The following TBCK variants were observed in gnomAD, a reference collection of about 807,000 sequenced individuals.
TBCK encodes TBC domain-containing protein kinase-like protein.
A neutral mutation model predicts 113.4 loss-of-function variants in TBCK; 99 were observed. The observed-to-expected ratio is 0.87, with a 90% CI of 0.74 to 1.03. The LOEUF (loss-of-function observed/expected upper bound fraction) is 1.03. Among genes scored for constraint, TBCK ranks in the 50% least tolerant of loss-of-function variants. TBCK has a pLI of 0.00. For missense variants in TBCK, 1,045 were observed against 1,061.3 expected (o/e 0.98, Z 0.21); for synonymous variants, 369 against 370.8 (o/e 1.00, Z 0.05).
chr4:106,177,025 C>A (rs1038649372), intron 22 of TBCK, among the ~76,000 whole-genome samples: 2 of 150,740 alleles, frequency 1.3e-5, no homozygotes, highest in Non-Finnish European at 3.0e-5. Flanking sequence ...TGACTACAGA[C>A]ATGATCATAG....
rs928271731 is a variant in TBCK, at chr4:106,179,753, C to A, written c.2060-8483G>T. 1.6e-4 allele frequency among the ~76,000 whole-genome samples: 24 copies of A among 152,058 alleles called. 1 individual carries two copies. Among genetic ancestry groups the A allele is most frequent in the Non-Finnish European group, 3.1e-4 (21 of 67,956 alleles). On this transcript the variant is annotated intron_variant, in intron 22 of 25. Coordinates refer to ENST00000394708, the MANE Select transcript of TBCK (RefSeq NM_001163435.3). Reference sequence around the variant, plus strand: ...AACGTTCTGTAAATGTCTGTTAGGTCCATTTGGTCTACAGTACAGTTTAAC... The same window carrying A: ...AACGTTCTGTAAATGTCTGTTAGGTACATTTGGTCTACAGTACAGTTTAAC...
chr4:106,252,071 C>A, intron 5 of TBCK, 64 bp from the exon 6 acceptor site: 1 of 1,354,622 alleles, frequency 7.4e-7, no homozygotes, highest in South Asian at 1.5e-5. Context: ...TACATTTTTA[C>A]AATCAATGTG....
intron 23 of TBCK, among the ~76,000 whole-genome samples, chr4:106,163,016 T>C (rs1476906154): frequency 6.6e-6 from 1 of 152,140 alleles, no homozygotes; most frequent in African/African-American, 2.4e-5. Context: ...TCCAAACTTT[T>C]ATGGTCTGCT....
At chr4:106,217,000 A>G (rs1757025974) in intron 19 of TBCK, among the ~76,000 whole-genome samples, 1 of 152,212 alleles carries the variant, frequency 6.6e-6, no homozygotes, top group Non-Finnish European at 1.5e-5. Context: ...CCAGCAGCAC[A>G]TCAAAATGCT....
rs563878359 is a variant in TBCK, at chr4:106,164,983, TA to T, written c.2235+6111del. 5.5e-3 allele frequency among the ~76,000 whole-genome samples: 805 copies of T among 145,728 alleles called. 4 individuals are homozygous for T. The highest frequency in any genetic ancestry group is 9.4e-3 in the Non-Finnish European group (615 of 65,522). ...ATACAAGCAGTTAGCATTATGTAAATAAAAAAATTAATTTAATAAAATCTTG... is the reference window on the plus strand; with the variant it reads ...ATACAAGCAGTTAGCATTATGTAAATAAAAAATTAATTTAATAAAATCTTG... On this transcript the variant is annotated intron_variant, in intron 23 of 25. Transcript: ENST00000394708.
intron 25 of TBCK, among the ~76,000 whole-genome samples, chr4:106,082,971 C>T (rs995072920): frequency 1.3e-5 from 2 of 152,254 alleles, no homozygotes; most frequent in African/African-American, 4.8e-5. Context: ...TTGGAAGATA[C>T]ACTTGCGAAC....
intron 23 of TBCK, among the ~76,000 whole-genome samples, chr4:106,148,945 T>TTA (rs1748152626): frequency 1.3e-5 from 2 of 152,352 alleles, no homozygotes; most frequent in South Asian, 4.1e-4. Flanking sequence ...GAAAATCTGC[T>TTA]GTATAGTTGC....
chr4:106,228,260 T>C (rs1758457275), intron 19 of TBCK, among the ~76,000 whole-genome samples: 1 of 152,076 alleles, frequency 6.6e-6, no homozygotes, highest in Admixed American at 6.6e-5. Flanking sequence ...CTTACTTATT[T>C]TAAAATGTAC....
intron 10 of TBCK, among the ~76,000 whole-genome samples, chr4:106,246,708 C>T (rs990342451): frequency 6.6e-6 from 1 of 152,124 alleles, no homozygotes; most frequent in Admixed American, 6.6e-5. Context: ...ACTTTAACCA[C>T]CACACAGAAG....
intron 24 of TBCK, among the ~76,000 whole-genome samples, chr4:106,099,106 G>A (rs1313136079): frequency 6.6e-6 from 1 of 151,930 alleles, no homozygotes; most frequent in Non-Finnish European, 1.5e-5. Flanking sequence ...TAGATATGCT[G>A]TACTTCAATC....
chr4:106,160,184 C>T (rs1454794620), intron 23 of TBCK, among the ~76,000 whole-genome samples: 2 of 151,922 alleles, frequency 1.3e-5, no homozygotes, highest in Non-Finnish European at 2.9e-5. Context: ...TAGAAGAAAA[C>T]ATAGGGCAAA....
intron 3 of TBCK, among the ~76,000 whole-genome samples, chr4:106,280,925 A>G (rs935576570): frequency 8.5e-5 from 13 of 152,130 alleles, no homozygotes; most frequent in Non-Finnish European, 1.2e-4. Context: ...GTGGTTCCAT[A>G]TAAGTTTTAG....
chr4:106,209,030 G>A (rs2149875242), intron 20 of TBCK, among the ~76,000 whole-genome samples: 1 of 152,316 alleles, frequency 6.6e-6, no homozygotes, highest in Admixed American at 6.5e-5. Flanking sequence ...ACCTAGTGGG[G>A]CAAGCCCAGG....
rs537642529 is a variant in TBCK, at chr4:106,067,699, T to C, written c.2572-21019A>G. Among the ~76,000 whole-genome samples the C allele has an allele frequency of 3.9e-5, 6 of 152,266 alleles. No homozygotes were observed. In the East Asian group the frequency reaches 1.2e-3, roughly 29 times the overall value. ...GGTTTAATGTAAGGGTCCAATTTCA[T>C]TTTTTGCGTGTGGATATTCAGTTTT... On this transcript the variant is annotated intron_variant, in intron 25 of 25. Transcript: ENST00000394708.
intron 23 of TBCK, among the ~76,000 whole-genome samples, chr4:106,132,414 T>G (rs1231802078): frequency 6.6e-6 from 1 of 152,250 alleles, no homozygotes; most frequent in Non-Finnish European, 1.5e-5. Flanking sequence ...ACATGTAGTG[T>G]TGGGCCTGTG....
intron 25 of TBCK, among the ~76,000 whole-genome samples, chr4:106,089,689 G>T (rs111248027): frequency 2.0e-5 from 3 of 152,324 alleles, no homozygotes; most frequent in African/African-American, 7.2e-5. Context: ...TGAAAAGGGA[G>T]AAATTGGCCA....
intron 23 of TBCK, among the ~76,000 whole-genome samples, chr4:106,121,369 T>C (rs1396028710): frequency 1.4e-5 from 2 of 145,374 alleles, no homozygotes; most frequent in Admixed American, 6.9e-5. Context: ...CCCAGATTCA[T>C]AAAGCAAGTC....
chr4:106,153,090 C>G (rs1424932821), intron 23 of TBCK, among the ~76,000 whole-genome samples: 1 of 151,740 alleles, frequency 6.6e-6, no homozygotes, highest in African/African-American at 2.4e-5. Context: ...TTTCCTTATT[C>G]TTTTCTTCTA....
intron 12 of TBCK, among the ~76,000 whole-genome samples, chr4:106,242,117 C>G (rs141204640): frequency 6.6e-6 from 1 of 152,032 alleles, no homozygotes; most frequent in African/African-American, 2.4e-5. Flanking sequence ...AAAAGACTTA[C>G]AACTGCACTA....
Sources: allele counts gnomAD v4.1 joint callset (sites outside exome capture counted in the v4.1 genomes callset), GRCh38; gene constraint gnomAD v4.1.1; transcripts MANE v1.5; gene names NCBI Gene and HGNC (gene_info 2026-07-23, HGNC 2026-07-21).